PRKG1: variants seen among roughly 807,000 people sequenced by gnomAD.
PRKG1 encodes the protein protein kinase cGMP-dependent 1, also known as cGMP-dependent protein kinase 1.
A neutral mutation model predicts 88.1 loss-of-function variants in PRKG1; 35 were observed. The observed-to-expected ratio is 0.40, with a 90% CI of 0.30 to 0.53. PRKG1 has a LOEUF of 0.53. PRKG1 is among the 20% of genes least tolerant of loss of function. The pLI, the probability that PRKG1 is intolerant of heterozygous loss-of-function variation, is 0.59. For synonymous variants in PRKG1, 303 were observed against 292.5 expected, an observed-to-expected ratio of 1.04 and a Z score of -0.37; for missense variants, 540 against 839.8, an observed-to-expected ratio of 0.64 and a Z score of 4.41.
At chr10:52,052,770 C>T (rs1012493846) in intron 5 of PRKG1, among the ~76,000 whole-genome samples, 5 of 152,076 alleles carry the variant, frequency 3.3e-5, no homozygotes, top group Non-Finnish European at 5.9e-5. Flanking sequence ...TCAATTATCT[C>T]CCACCAGGTC....
chr10:51,629,390 A>C (rs1275480312), intron 3 of PRKG1, among the ~76,000 whole-genome samples: 1 of 151,932 alleles, frequency 6.6e-6, no homozygotes, highest in Non-Finnish European at 1.5e-5. Context: ...ATAGTTATAC[A>C]ACTCACCATA....
intron 1 of PRKG1, among the ~76,000 whole-genome samples, chr10:51,049,089 G>A (rs183076058): frequency 1.3e-4 from 20 of 152,264 alleles, no homozygotes; most frequent in Non-Finnish European, 1.3e-4. Flanking sequence ...GGCCGGGAAA[G>A]GAAGAGCTCC....
intron 2 of PRKG1, among the ~76,000 whole-genome samples, chr10:51,168,689 C>T (rs1846616193): frequency 6.6e-6 from 1 of 152,158 alleles, no homozygotes; most frequent in Non-Finnish European, 1.5e-5. Flanking sequence ...TAAGGTTCAA[C>T]ATATCAGATA....
chr10:51,571,625 G>T (rs1384438588), intron 3 of PRKG1, among the ~76,000 whole-genome samples: 1 of 151,854 alleles, frequency 6.6e-6, no homozygotes, highest in Admixed American at 6.6e-5. Flanking sequence ...TGAAACTCAT[G>T]CTGAAAATGA....
At chr10:51,681,778 G>A (rs1840856629) in intron 3 of PRKG1, among the ~76,000 whole-genome samples, 1 of 151,974 alleles carries the variant, frequency 6.6e-6, no homozygotes, top group African/African-American at 2.4e-5. Flanking sequence ...TAGTAGATGA[G>A]GATTAATTAA....
At chr10:51,576,644 G>C (rs781445975) in intron 3 of PRKG1, among the ~76,000 whole-genome samples, 1 of 151,870 alleles carries the variant, frequency 6.6e-6, no homozygotes, top group Non-Finnish European at 1.5e-5. Flanking sequence ...CAACCAAACA[G>C]GAAGGCTTTG....
At chr10:51,041,155 G>GT (rs1353746706) in intron 1 of PRKG1, among the ~76,000 whole-genome samples, 2 of 151,990 alleles carry the variant, frequency 1.3e-5, no homozygotes, top group African/African-American at 4.8e-5. Context: ...TTCATTCAAG[G>GT]CCCAAGGGAT....
At chr10:51,772,389 A>G (rs762078594) in intron 3 of PRKG1, among the ~76,000 whole-genome samples, 1 of 152,262 alleles carries the variant, frequency 6.6e-6, no homozygotes, top group Admixed American at 6.5e-5. Flanking sequence ...GAAATAGGGT[A>G]TTTAATTATG....
At chr10:51,876,477 G>A (rs554705800) in intron 4 of PRKG1, among the ~76,000 whole-genome samples, 18 of 152,248 alleles carry the variant, frequency 1.2e-4, no homozygotes, top group African/African-American at 3.9e-4. Flanking sequence ...ATTTTCCTAG[G>A]GTAGGTCTTT....
intron 2 of PRKG1, among the ~76,000 whole-genome samples, chr10:51,445,286 CAG>C (rs1391994090): frequency 3.3e-5 from 5 of 151,832 alleles, no homozygotes; most frequent in Admixed American, 3.3e-4. Flanking sequence ...ATTCATAAAA[CAG>C]AGTATGTTTC....
intron 2 of PRKG1, among the ~76,000 whole-genome samples, chr10:51,293,940 T>G (rs547956541): frequency 1.3e-5 from 2 of 152,318 alleles, no homozygotes; most frequent in South Asian, 4.1e-4. Flanking sequence ...CATATCTCAT[T>G]GTGGTTTTGA....
chr10:52,001,662 A>C (rs1242117621), intron 5 of PRKG1, among the ~76,000 whole-genome samples: 1 of 152,014 alleles, frequency 6.6e-6, no homozygotes, highest in African/African-American at 2.4e-5. Context: ...CCTGAGTAGC[A>C]AAAGTAAATA....
At chr10:51,190,612 G>A (rs1837606513) in intron 2 of PRKG1, among the ~76,000 whole-genome samples, 1 of 151,822 alleles carries the variant, frequency 6.6e-6, no homozygotes, top group South Asian at 2.1e-4. Flanking sequence ...AATCTGGGAA[G>A]ACCCAGGAGT....
intron 3 of PRKG1, among the ~76,000 whole-genome samples, chr10:51,706,304 C>T (rs567048704): frequency 6.6e-6 from 1 of 152,310 alleles, no homozygotes; most frequent in East Asian, 1.9e-4. Context: ...CTCCTAACCT[C>T]AAATGCTCCA....
In PRKG1 at chr10:51,274,609, A is replaced by G. The variant is rs80137882; in HGVS notation, c.478+121279A>G. Among the ~76,000 whole-genome samples, 833 of 152,300 alleles carry G rather than the reference A, an allele frequency of 5.5e-3. 4 individuals carry two copies. The highest frequency in any genetic ancestry group is 9.7e-3 in the Non-Finnish European group (660 of 68,022). On this transcript the variant is annotated intron_variant, in intron 2 of 17. Transcript: ENST00000373980. ...TCCCAAAATGACCGTGCTCAACACT[A>G]TAGAAAGTTATTGATCGATCCTGTT...
chr10:51,925,767 C>G (rs912548269), intron 5 of PRKG1, among the ~76,000 whole-genome samples: 1 of 152,094 alleles, frequency 6.6e-6, no homozygotes, highest in African/African-American at 2.4e-5. Context: ...TAAAACTGAA[C>G]CCCATAGTCT....
At chr10:51,149,604 C>T in intron 1 of PRKG1, among the ~76,000 whole-genome samples, 1 of 152,032 alleles carries the variant, frequency 6.6e-6, no homozygotes. Flanking sequence ...TATACCACCT[C>T]ATGAAATTTT....
chr10:51,987,427 A>T (rs936673470), intron 5 of PRKG1, among the ~76,000 whole-genome samples: 1 of 151,982 alleles, frequency 6.6e-6, no homozygotes, highest in African/African-American at 2.4e-5. Flanking sequence ...AGCTTTGTTA[A>T]ATGTTGACAT....
At chr10:52,207,981 C>A (rs1288201454) in intron 9 of PRKG1, among the ~76,000 whole-genome samples, 1 of 152,134 alleles carries the variant, frequency 6.6e-6, no homozygotes, top group Non-Finnish European at 1.5e-5. Flanking sequence ...GCCCTTCCAT[C>A]TCAACCTCTA....
Sources: allele counts gnomAD v4.1 joint callset (sites outside exome capture counted in the v4.1 genomes callset), GRCh38; gene constraint gnomAD v4.1.1; transcripts MANE v1.5; gene names NCBI Gene and HGNC (gene_info 2026-07-23, HGNC 2026-07-21).